Variants in KIF11 observed in about 807,000 individuals in gnomAD.
KIF11 encodes kinesin-like protein KIF11.
A neutral mutation model predicts 121.0 loss-of-function variants in KIF11; 9 were observed. That is an observed-to-expected ratio of 0.07 (90% CI 0.04 to 0.13). The LOEUF (loss-of-function observed/expected upper bound fraction) is 0.13, where lower values mean the gene tolerates loss of function less well. Among genes scored for constraint, KIF11 ranks in the 10% least tolerant of loss-of-function variants. The probability of loss-of-function intolerance (pLI) is 1.00; values close to 1 mark genes in which losing one functional copy is unlikely to be tolerated. For missense variants in KIF11, 846 were observed against 1,217.5 expected (o/e 0.69, Z 4.54); for synonymous variants, 408 against 421.0 (o/e 0.97, Z 0.38).
At chr10:92,595,007 C>T (rs1254072605) in intron 1 of KIF11, among the ~76,000 whole-genome samples, 1 of 152,010 alleles carries the variant, frequency 6.6e-6, no homozygotes, top group Non-Finnish European at 1.5e-5. Context: ...CTGTAAAGGG[C>T]CCAGAGAAAT....
rs1317107359 is a variant in KIF11 at position 92,655,148 on chromosome 10, T to C, written c.*1352T>C. ...AAGGAATATGTACAAAGAATAAATT[T>C]TCTGCTCACGATGAGTTTAGTGTGT... On this transcript the variant is annotated 3_prime_UTR_variant, in exon 22 of 22. Coordinates refer to ENST00000260731, the MANE Select transcript of KIF11 (RefSeq NM_004523.4). 1.3e-5 allele frequency: 2 copies of C among 152,662 alleles called. No homozygotes were observed. Among genetic ancestry groups the C allele is most frequent in the Non-Finnish European group, 1.5e-5 (1 of 68,036 alleles). The allele number at this position is 152,662 out of a possible 1,614,324, so 9.5% of individuals were successfully genotyped here.
chr10:92,627,675 A>G (rs560101540), intron 10 of KIF11, among the ~76,000 whole-genome samples: 31 of 151,864 alleles, frequency 2.0e-4, no homozygotes, highest in Non-Finnish European at 4.0e-4. Flanking sequence ...GGCAATTAAG[A>G]TGGATTAGAA....
chr10:92,602,821 CACACGTGT>C (rs1440267081), intron 1 of KIF11, among the ~76,000 whole-genome samples: 1 of 106,524 alleles, frequency 9.4e-6, no homozygotes, highest in East Asian at 3.4e-4. Flanking sequence ...CACACACACA[CACACGTGT>C]GTGTGTGTGT....
intron 10 of KIF11, among the ~76,000 whole-genome samples, chr10:92,621,820 A>G (rs547426708): frequency 6.6e-6 from 1 of 151,932 alleles, no homozygotes; most frequent in Non-Finnish European, 1.5e-5. Flanking sequence ...CTAGGCTTCT[A>G]TTTTGTTTTG....
At chr10:92,609,322 G>GTT in intron 5 of KIF11, 63 bp from the exon 6 acceptor site, 1 of 1,552,796 alleles carries the variant, frequency 6.4e-7, no homozygotes, top group Non-Finnish European at 8.8e-7. Flanking sequence ...GTGTGTGTGT[G>GTT]TGTGTGTGTG....
intron 9 of KIF11, among the ~76,000 whole-genome samples, chr10:92,620,219 T>C (rs962706498): frequency 3.9e-5 from 6 of 151,968 alleles, no homozygotes. Flanking sequence ...TAGCTGGGAC[T>C]ACAGGCGCCT....
chr10:92,632,832 T>G (rs1284486727), intron 13 of KIF11, 139 bp downstream of exon 13: 1 of 474,226 alleles, frequency 2.1e-6, no homozygotes, highest in Non-Finnish European at 3.7e-6. Flanking sequence ...GGGTGAAGAT[T>G]AATGCTTTTA....
chr10:92,650,036 G>C, intron 20 of KIF11, 50 bp downstream of exon 20: 1 of 1,416,538 alleles, frequency 7.1e-7, no homozygotes, highest in Non-Finnish European at 9.8e-7. Flanking sequence ...ATGAACTCTT[G>C]ATGTGGCTGA....
chr10:92,637,607 T>A (rs985626537), intron 16 of KIF11, 62 bp downstream of exon 16: 1 of 1,473,912 alleles, frequency 6.8e-7, no homozygotes, highest in Non-Finnish European at 9.2e-7. Flanking sequence ...TTGATATGAC[T>A]TGATAATTAA....
intron 6 of KIF11, among the ~76,000 whole-genome samples, chr10:92,609,829 C>T (rs968292155): frequency 1.3e-5 from 2 of 152,044 alleles, no homozygotes; most frequent in Non-Finnish European, 2.9e-5. Flanking sequence ...CTCTGCCCAC[C>T]GGGTTGAAGC....
rs1357609792 is a variant in KIF11, at chr10:92,621,379, G to T, written c.1129-6G>T. On this transcript the variant is annotated splice_region_variant and splice_polypyrimidine_tract_variant and intron_variant, in intron 9 of 21. Coordinates refer to ENST00000260731, the MANE Select transcript of KIF11 (RefSeq NM_004523.4). Reference sequence around the variant, plus strand: ...AACTGACACCTACAACATTCCTCTTGTGTAGGAGTATACGGAGGAGATAGA... The same window carrying T: ...AACTGACACCTACAACATTCCTCTTTTGTAGGAGTATACGGAGGAGATAGA... 6.3e-7 allele frequency: 1 copy of T among 1,577,050 alleles called. No homozygotes were observed. The highest frequency in any genetic ancestry group is 1.7e-5 in the Admixed American group (1 of 59,394).
chr10:92,597,173 G>T (rs952867742), intron 1 of KIF11: 1 of 269,100 alleles, frequency 3.7e-6, no homozygotes, highest in South Asian at 4.8e-5. Context: ...GATGCCAAAG[G>T]ATCTGACAAT....
At chr10:92,624,204 T>G (rs1844646424) in intron 10 of KIF11, among the ~76,000 whole-genome samples, 1 of 151,664 alleles carries the variant, frequency 6.6e-6, no homozygotes, top group African/African-American at 2.4e-5. Context: ...CCATCCATGT[T>G]GCTGCAAAGA....
chr10:92,602,825 C>CACGTGTGTGT (rs1457102223), intron 1 of KIF11, among the ~76,000 whole-genome samples: 11 of 122,378 alleles, frequency 9.0e-5, no homozygotes, highest in African/African-American at 3.2e-4. Flanking sequence ...CACACACACA[C>CACGTGTGTGT]GTGTGTGTGT....
At chr10:92,607,979 AC>A (rs1844447801) in intron 4 of KIF11, among the ~76,000 whole-genome samples, 1 of 151,840 alleles carries the variant, frequency 6.6e-6, no homozygotes, top group Non-Finnish European at 1.5e-5. Context: ...ACATGGTGAA[AC>A]CCGGTCTCTA....
At chr10:92,600,317 T>G (rs1313794364) in intron 1 of KIF11, among the ~76,000 whole-genome samples, 2 of 152,074 alleles carry the variant, frequency 1.3e-5, no homozygotes, top group African/African-American at 4.8e-5. Context: ...TTTTATTATT[T>G]TTTTCATCAA....
At chr10:92,624,757 T>TTC (rs34197740) in intron 10 of KIF11, among the ~76,000 whole-genome samples, 2 of 140,266 alleles carry the variant, frequency 1.4e-5, no homozygotes, top group Admixed American at 6.9e-5. Context: ...CAAATAGTAT[T>TTC]TCTGTGTGTG....
chr10:92,633,102 A>C (rs1482596542), intron 13 of KIF11, among the ~76,000 whole-genome samples: 1 of 151,996 alleles, frequency 6.6e-6, no homozygotes, highest in Non-Finnish European at 1.5e-5. Flanking sequence ...ATGGTTTGCT[A>C]TATTGTCAGA....
intron 9 of KIF11, 98 bp from the exon 10 acceptor site, chr10:92,621,287 C>G: frequency 1.7e-6 from 1 of 594,302 alleles, no homozygotes; most frequent in South Asian, 2.6e-5. Flanking sequence ...TTTTAAAAGA[C>G]ATAAAAAGGC....
Sources: allele counts gnomAD v4.1 joint callset (sites outside exome capture counted in the v4.1 genomes callset), GRCh38; gene constraint gnomAD v4.1.1; transcripts MANE v1.5; gene names NCBI Gene and HGNC (gene_info 2026-07-23, HGNC 2026-07-21).